The following SPOCK3 variants were observed in gnomAD, a reference collection of about 807,000 sequenced individuals.
SPOCK3 encodes testican-3.
A neutral mutation model predicts 56.6 loss-of-function variants in SPOCK3; 30 were observed. That is an observed-to-expected ratio of 0.53 (90% CI 0.40 to 0.72). The LOEUF is 0.72. Ranked by LOEUF, SPOCK3 falls within the 30% of genes least tolerant of loss-of-function variation. The pLI is 0.00. For synonymous variants in SPOCK3, 196 were observed against 183.3 expected (o/e 1.07, Z -0.56); for missense variants, 527 against 530.0 (o/e 0.99, Z 0.06).
chr4:166,948,484 T>C (rs1742066431), intron 4 of SPOCK3, among the ~76,000 whole-genome samples: 1 of 152,168 alleles, frequency 6.6e-6, no homozygotes, highest in South Asian at 2.1e-4. Context: ...CTACCAACAG[T>C]GTGTTAGAGA....
chr4:167,009,678 C>T (rs548758027), intron 3 of SPOCK3, among the ~76,000 whole-genome samples: 1 of 152,048 alleles, frequency 6.6e-6, no homozygotes, highest in South Asian at 2.1e-4. Context: ...AAGAGGATCA[C>T]ACACACAAAA....
intron 4 of SPOCK3, among the ~76,000 whole-genome samples, chr4:166,953,150 C>T (rs1236549455): frequency 1.4e-5 from 2 of 147,508 alleles, no homozygotes; most frequent in African/African-American, 5.1e-5. Flanking sequence ...AACAGGCAAC[C>T]TACAAAATGG....
intron 5 of SPOCK3, among the ~76,000 whole-genome samples, chr4:166,905,671 A>T (rs1441713942): frequency 6.6e-6 from 1 of 151,978 alleles, no homozygotes; most frequent in East Asian, 1.9e-4. Context: ...ATAGAAAGAT[A>T]AAAAAGGAAG....
chr4:166,846,974 C>A (rs928326526), intron 6 of SPOCK3, among the ~76,000 whole-genome samples: 7 of 152,122 alleles, frequency 4.6e-5, no homozygotes, highest in African/African-American at 1.7e-4. Context: ...AGGAAGAAAG[C>A]CTGTGCTTAA....
intron 2 of SPOCK3, among the ~76,000 whole-genome samples, chr4:167,172,409 C>A: frequency 6.6e-6 from 1 of 152,110 alleles, no homozygotes; most frequent in East Asian, 1.9e-4. Context: ...TCTAAAACAG[C>A]ACATAATGAA....
intron 8 of SPOCK3, among the ~76,000 whole-genome samples, chr4:166,752,134 C>T (rs1208931343): frequency 2.0e-5 from 3 of 151,962 alleles, no homozygotes; most frequent in South Asian, 2.1e-4. Context: ...ACCTCCTTCT[C>T]CTGCCTCAGA....
intron 6 of SPOCK3, among the ~76,000 whole-genome samples, chr4:166,800,788 T>A (rs1370119574): frequency 6.6e-6 from 1 of 152,136 alleles, no homozygotes; most frequent in Non-Finnish European, 1.5e-5. Context: ...AAAATATTTT[T>A]AAATATTTAG....
chr4:167,185,383 T>G (rs1731855108), intron 2 of SPOCK3, among the ~76,000 whole-genome samples: 1 of 152,210 alleles, frequency 6.6e-6, no homozygotes, highest in Non-Finnish European at 1.5e-5. Flanking sequence ...TTACCCATAC[T>G]TCCAAGAGCA....
At chr4:167,066,192 T>C (rs1756114512) in intron 2 of SPOCK3, among the ~76,000 whole-genome samples, 1 of 151,950 alleles carries the variant, frequency 6.6e-6, no homozygotes, top group Admixed American at 6.6e-5. Flanking sequence ...GTGCACTTTA[T>C]TGAGCACACC....
intron 2 of SPOCK3, among the ~76,000 whole-genome samples, chr4:167,194,925 G>T (rs570135178): frequency 6.6e-6 from 1 of 152,318 alleles, no homozygotes; most frequent in African/African-American, 2.4e-5. Flanking sequence ...TCCCTGTAAA[G>T]ATACCTGTGT....
At chr4:167,159,789 C>A (rs927780231) in intron 2 of SPOCK3, among the ~76,000 whole-genome samples, 24 of 152,080 alleles carry the variant, frequency 1.6e-4, no homozygotes, top group African/African-American at 5.6e-4. Context: ...AAGACAAAAA[C>A]CACATGATTA....
intron 2 of SPOCK3, among the ~76,000 whole-genome samples, chr4:167,087,074 G>C (rs998326850): frequency 1.3e-5 from 2 of 152,052 alleles, no homozygotes; most frequent in East Asian, 1.9e-4. Context: ...TGAACAAAAT[G>C]ATCTAAATAA....
chr4:166,738,116 G>T (rs562504534), intron 9 of SPOCK3, among the ~76,000 whole-genome samples: 1 of 151,934 alleles, frequency 6.6e-6, no homozygotes, highest in East Asian at 1.9e-4. Context: ...ACATTATGTC[G>T]ACTAGAGTCT....
At chr4:167,223,319 T>C (rs1736252497) in intron 2 of SPOCK3, among the ~76,000 whole-genome samples, 1 of 145,142 alleles carries the variant, frequency 6.9e-6, no homozygotes, top group South Asian at 2.1e-4. Flanking sequence ...AATAATCATA[T>C]ATAAGCATAT....
intron 7 of SPOCK3, among the ~76,000 whole-genome samples, chr4:166,782,171 A>G (rs1414960718): frequency 6.6e-6 from 1 of 152,154 alleles, no homozygotes; most frequent in Non-Finnish European, 1.5e-5. Flanking sequence ...AGTTTACTAT[A>G]GTTCCTCCAC....
intron 3 of SPOCK3, among the ~76,000 whole-genome samples, chr4:167,050,380 G>A (rs1754089951): frequency 6.6e-6 from 1 of 152,106 alleles, no homozygotes; most frequent in African/African-American, 2.4e-5. Flanking sequence ...CAACCATTGG[G>A]ATAAATTTTA....
chr4:167,074,575 T>G (rs1580210593), intron 2 of SPOCK3, among the ~76,000 whole-genome samples: 1 of 151,894 alleles, frequency 6.6e-6, no homozygotes, highest in South Asian at 2.1e-4. Flanking sequence ...AGAGGATGGG[T>G]AATATAGAGT....
At chr4:166,800,587 T>C (rs1172793715) in intron 6 of SPOCK3, among the ~76,000 whole-genome samples, 3 of 151,934 alleles carry the variant, frequency 2.0e-5, no homozygotes, top group African/African-American at 4.8e-5. Context: ...ATCAAAAAAA[T>C]GTTTAAAAAG....
chr4:167,138,832 T>G (rs978774611), intron 2 of SPOCK3, among the ~76,000 whole-genome samples: 1 of 151,950 alleles, frequency 6.6e-6, no homozygotes, highest in Non-Finnish European at 1.5e-5. Context: ...AAGCTCTTAT[T>G]TGAGATATTT....
Sources: allele counts gnomAD v4.1 joint callset (sites outside exome capture counted in the v4.1 genomes callset), GRCh38; gene constraint gnomAD v4.1.1; transcripts MANE v1.5; gene names NCBI Gene and HGNC (gene_info 2026-07-23, HGNC 2026-07-21).